Variants in CD34 observed in about 807,000 individuals in gnomAD.
CD34 encodes the protein CD34 molecule.
A neutral mutation model predicts 40.1 loss-of-function variants in CD34; 34 were observed. The ratio of observed to expected loss-of-function variants is 0.85; its 90% CI spans 0.65 to 1.13. The LOEUF is 1.13. Among genes scored for constraint, CD34 ranks in the 50% most tolerant of loss-of-function variants. CD34 has a pLI of 0.00. For synonymous variants in CD34, 209 were observed against 190.0 expected (o/e 1.10, Z -0.82); for missense variants, 426 against 466.9 (o/e 0.91, Z 0.81).
Position 207,889,142 on chromosome 1 carries a change from A to G in CD34, c.807+19T>C. On this transcript the variant is annotated intron_variant, in intron 6 of 7. Coordinates refer to ENST00000310833, the MANE Select transcript of CD34 (RefSeq NM_001025109.2). Reference sequence around the variant, plus strand: ...TGCCCCGGCATTCCCTCTCAGGCCCATCATCTCAGAGGACTTACCTTTTTC... The same window carrying G: ...TGCCCCGGCATTCCCTCTCAGGCCCGTCATCTCAGAGGACTTACCTTTTTC... 6.9e-7 allele frequency: 1 copy of G among 1,439,680 alleles called. No homozygotes were observed. The highest frequency in any genetic ancestry group is 9.8e-7 in the Non-Finnish European group (1 of 1,020,786). The allele number at this position is 1,439,680 out of a possible 1,614,324, so 89.2% of individuals were successfully genotyped here. A position where few individuals can be genotyped will look rare whatever the true frequency, so the allele number is the denominator to read the frequency against.
At chr1:207,890,513 T>C (rs2102296292) in intron 4 of CD34, 1 of 152,582 alleles carries the variant, frequency 6.6e-6, no homozygotes, top group South Asian at 2.1e-4. Flanking sequence ...GCTTCCTGTT[T>C]GCGGGCAGGG....
intron 4 of CD34, 113 bp downstream of exon 4, chr1:207,897,379 TC>T (rs1377160400): frequency 5.3e-6 from 4 of 752,762 alleles, no homozygotes; most frequent in Non-Finnish European, 6.7e-6. Context: ...CAAGCTAAAC[TC>T]CCCGGACCCC....
Position 207,885,189 on chromosome 1 carries a change from A to C in CD34, c.*2549T>G, listed in dbSNP as rs1204681. The C allele has an allele frequency of 0.22, 34,131 of 152,142 alleles. 3,881 individuals are homozygous for C. The highest frequency in any genetic ancestry group is 0.42 in the East Asian group (2,173 of 5,160). The allele number at this position is 152,142 out of a possible 1,614,324, so 9.4% of individuals were successfully genotyped here. ...AGAGGGTGGGGCAGCCAGGGAGAGA[A>C]GCCCAACATGGAGGCGATTGAGCTG... is the stretch of plus-strand genomic sequence containing the variant. On this transcript the variant is annotated 3_prime_UTR_variant, in exon 8 of 8. Transcript: ENST00000310833.
chr1:207,887,401 A>C lies in CD34; in HGVS notation c.*337T>G. ...TCATCTTTCCCCTGGGGGTTCCTGT[A>C]TTGCGGCAGAGAGGAGGGGGTAGGG... On this transcript the variant is annotated 3_prime_UTR_variant, in exon 8 of 8. Transcript: ENST00000310833. 4.1e-6 allele frequency: 1 copy of C among 245,458 alleles called. No homozygotes were observed. The highest frequency in any genetic ancestry group is 2.2e-5 in the African/African-American group (1 of 44,908). The allele number at this position is 245,458 out of a possible 1,614,324, so 15.2% of individuals were successfully genotyped here.
chr1:207,889,420 C>A, intron 5 of CD34, 45 bp downstream of exon 5: 1 of 1,575,828 alleles, frequency 6.3e-7, no homozygotes, highest in African/African-American at 1.3e-5. Flanking sequence ...TCTCTAACCT[C>A]AGCCCTACTC....
At chr1:207,899,295 G>A (rs1261568999) in intron 2 of CD34, 69 bp from the exon 3 acceptor site, 2 of 1,522,906 alleles carry the variant, frequency 1.3e-6, no homozygotes, top group African/African-American at 2.7e-5. Flanking sequence ...CTCAGGTCAT[G>A]ATATGGGCAT....
Position 207,882,985 on chromosome 1 carries a change from C to A in CD34, c.*4753G>T, listed in dbSNP as rs1661834492. The A allele has an allele frequency of 6.6e-6, 1 of 152,192 alleles. No homozygotes were observed. The highest frequency in any genetic ancestry group is 6.5e-5 in the Admixed American group (1 of 15,288). The allele number at this position is 152,192 out of a possible 1,614,324, so 9.4% of individuals were successfully genotyped here. A position where few individuals can be genotyped will look rare whatever the true frequency, so the allele number is the denominator to read the frequency against. On this transcript the variant is annotated 3_prime_UTR_variant, in exon 8 of 8. Transcript: ENST00000310833. ...TGACAGAAGGGACTATGTCTTATCC[C>A]AGGTGCCTGGCATAGTACCTGGCTT...
At position 207,889,273 on chromosome 1, in the gene CD34, C is replaced by T. The variant is rs532915701; in HGVS notation, c.755-60G>A. ...AGAAACCAGCTTATCCTGCTCCACC[C>T]TCCCATGCTGTTCTAGAAGATGCTC... On this transcript the variant is annotated intron_variant, in intron 5 of 7. Transcript: ENST00000310833. 22 of 1,612,952 alleles carry T rather than the reference C, an allele frequency of 1.4e-5. No homozygotes were observed. The African/African-American group carries it at 1.7e-4, about 13-fold the overall frequency.
Position 207,884,533 on chromosome 1 carries a change from G to A in CD34, c.*3205C>T, listed in dbSNP as rs896237262. ...GCCTCTTCGATGGGGGCTTTAGGAA[G>A]AGAAGCAGCATCCTGTTGCACAAAA... On this transcript the variant is annotated 3_prime_UTR_variant, in exon 8 of 8. Transcript: ENST00000310833. The A allele has an allele frequency of 2.6e-5, 4 of 152,254 alleles. No individual in the cohort carries two copies. The highest frequency in any genetic ancestry group is 9.6e-5 in the African/African-American group (4 of 41,458). 9.4% of individuals were successfully genotyped at this position (152,254 alleles called of 1,614,324 possible). A position where few individuals can be genotyped will look rare whatever the true frequency, so the allele number is the denominator to read the frequency against.
chr1:207,892,013 TC>T (rs1285121416), intron 4 of CD34, among the ~76,000 whole-genome samples: 1 of 152,074 alleles, frequency 6.6e-6, no homozygotes, highest in Non-Finnish European at 1.5e-5. Context: ...AGGCCCCACC[TC>T]CAGGAAGCCC....
intron 1 of CD34, among the ~76,000 whole-genome samples, chr1:207,910,263 G>C (rs532694915): frequency 7.5e-4 from 114 of 152,164 alleles, no homozygotes; most frequent in Non-Finnish European, 1.3e-3. Context: ...AAGGTGACAA[G>C]TTTTGAAATT....
intron 4 of CD34, among the ~76,000 whole-genome samples, chr1:207,895,074 G>T (rs1315095596): frequency 6.6e-6 from 1 of 152,164 alleles, no homozygotes; most frequent in East Asian, 1.9e-4. Context: ...ATTAGGTAGG[G>T]CCTGAGGCTC....
rs1661878120 is a variant in CD34 at position 207,885,192 on chromosome 1, C to G, written c.*2546G>C. On this transcript the variant is annotated 3_prime_UTR_variant, in exon 8 of 8. Transcript: ENST00000310833. ...GGGTGGGGCAGCCAGGGAGAGAAGCCCAACATGGAGGCGATTGAGCTGAGG... is the reference window on the plus strand; with the variant it reads ...GGGTGGGGCAGCCAGGGAGAGAAGCGCAACATGGAGGCGATTGAGCTGAGG... 1 of 152,108 alleles carries G rather than the reference C, an allele frequency of 6.6e-6. No homozygotes were observed. Among genetic ancestry groups the G allele is most frequent in the African/African-American group, 2.4e-5 (1 of 41,380 alleles). 9.4% of individuals were successfully genotyped at this position (152,108 alleles called of 1,614,324 possible). A position where few individuals can be genotyped will look rare whatever the true frequency, so the allele number is the denominator to read the frequency against.
intron 7 of CD34, chr1:207,888,265 G>T: frequency 1.2e-6 from 1 of 807,788 alleles, no homozygotes; most frequent in Non-Finnish European, 2.1e-6. Flanking sequence ...TCAGACCTCA[G>T]CCTTGTCCTC....
At chr1:207,902,341 C>T (rs545252571) in intron 1 of CD34, among the ~76,000 whole-genome samples, 13 of 152,306 alleles carry the variant, frequency 8.5e-5, no homozygotes, top group African/African-American at 3.1e-4. Flanking sequence ...GCCAAAAAAT[C>T]GGAATTTATT....
intron 1 of CD34, among the ~76,000 whole-genome samples, chr1:207,908,023 T>G (rs1662419770): frequency 6.6e-6 from 1 of 152,130 alleles, no homozygotes; most frequent in Admixed American, 6.6e-5. Context: ...CATCCAGCCC[T>G]GAAAGTAAAC....
rs573068415 is a variant in CD34, at chr1:207,882,140, C to A, written c.*5598G>T. ...AAAACCCTGGACATTATATATAAGT[C>A]AAACATAGGGAGACTCCGATATGTA... On this transcript the variant is annotated 3_prime_UTR_variant, in exon 8 of 8. Coordinates refer to ENST00000310833, the MANE Select transcript of CD34 (RefSeq NM_001025109.2). 6.6e-6 allele frequency: 1 copy of A among 152,162 alleles called. No homozygotes were observed. Among genetic ancestry groups the A allele is most frequent in the African/African-American group, 2.4e-5 (1 of 41,410 alleles). 9.4% of individuals were successfully genotyped at this position (152,162 alleles called of 1,614,324 possible).
chr1:207,889,755 GA>G lies in CD34; in HGVS notation c.598-135del, dbSNP rs3043874. 0.017 allele frequency: 25,591 copies of G among 1,489,926 alleles called. 561 individuals carry two copies. In the East Asian group the frequency reaches 0.22, roughly 13 times the overall value. 92.3% of individuals were successfully genotyped at this position (1,489,926 alleles called of 1,614,324 possible). On this transcript the variant is annotated intron_variant, in intron 4 of 7. Transcript: ENST00000310833. Reference sequence around the variant, plus strand: ...GATCCTTGTTTCTAAAATTCCAACAGAAAAAAAAAAAACTGCTAACTGTATA... The same window carrying G: ...GATCCTTGTTTCTAAAATTCCAACAGAAAAAAAAAAACTGCTAACTGTATA...
chr1:207,905,325 G>T (rs1332482408), intron 1 of CD34, among the ~76,000 whole-genome samples: 1 of 152,166 alleles, frequency 6.6e-6, no homozygotes, highest in Non-Finnish European at 1.5e-5. Flanking sequence ...TAGTAGAGAC[G>T]GGGTTTAGCC....
Sources: allele counts gnomAD v4.1 joint callset (sites outside exome capture counted in the v4.1 genomes callset), GRCh38; gene constraint gnomAD v4.1.1; transcripts MANE v1.5; gene names NCBI Gene and HGNC (gene_info 2026-07-23, HGNC 2026-07-21).